The following SORCS1 variants were observed in gnomAD, a reference collection of about 807,000 sequenced individuals.
SORCS1 encodes sortilin related VPS10 domain containing receptor 1.
In SORCS1, 60 loss-of-function variants were observed where a neutral mutation model predicts 146.1. The observed-to-expected ratio is 0.41, with a 90% CI of 0.33 to 0.51. SORCS1 has a LOEUF of 0.51. Among genes scored for constraint, SORCS1 ranks in the 20% least tolerant of loss-of-function variants. SORCS1 has a pLI of 0.21. For synonymous variants in SORCS1, 637 were observed against 584.0 expected, an observed-to-expected ratio of 1.09 and a Z score of -1.31; for missense variants, 1,352 against 1,487.6, an observed-to-expected ratio of 0.91 and a Z score of 1.50.
chr10:107,139,511 G>A (rs2134703819), intron 1 of SORCS1, among the ~76,000 whole-genome samples: 1 of 152,300 alleles, frequency 6.6e-6, no homozygotes, highest in Non-Finnish European at 1.5e-5. Flanking sequence ...GAGAGATTGG[G>A]AAGAGAGAGA....
At chr10:107,030,034 C>G (rs550001448) in intron 1 of SORCS1, among the ~76,000 whole-genome samples, 1 of 152,064 alleles carries the variant, frequency 6.6e-6, no homozygotes, top group South Asian at 2.1e-4. Context: ...GCAAGCAGTG[C>G]CATGTCGCAC....
At chr10:107,055,500 G>C (rs1960536420) in intron 1 of SORCS1, among the ~76,000 whole-genome samples, 1 of 152,214 alleles carries the variant, frequency 6.6e-6, no homozygotes, top group Non-Finnish European at 1.5e-5. Context: ...AGCAAAGCCA[G>C]TCTTGTATTT....
chr10:106,666,554 CT>C (rs1423294567), intron 17 of SORCS1, among the ~76,000 whole-genome samples: 149 of 141,164 alleles, frequency 1.1e-3, no homozygotes, highest in Middle Eastern at 3.8e-3. Flanking sequence ...AAATCTCTCT[CT>C]TTTTTTTTTT....
intron 2 of SORCS1, among the ~76,000 whole-genome samples, chr10:106,942,402 A>T (rs997633223): frequency 6.6e-6 from 1 of 152,048 alleles, no homozygotes; most frequent in African/African-American, 2.4e-5. Flanking sequence ...TCATAACCAA[A>T]TGCCTTCTTG....
intron 1 of SORCS1, among the ~76,000 whole-genome samples, chr10:107,054,643 C>T (rs913495817): frequency 8.5e-5 from 13 of 152,106 alleles, no homozygotes. Flanking sequence ...CAGTCTGGGG[C>T]AGGCAGTGAA....
chr10:106,666,352 G>C (rs1851141236), intron 17 of SORCS1, among the ~76,000 whole-genome samples: 1 of 152,194 alleles, frequency 6.6e-6, no homozygotes, highest in South Asian at 2.1e-4. Flanking sequence ...TGAACCGAAA[G>C]ATAGGCTCTT....
intron 1 of SORCS1, among the ~76,000 whole-genome samples, chr10:106,959,471 T>C (rs1955123299): frequency 6.6e-6 from 1 of 152,202 alleles, no homozygotes; most frequent in Non-Finnish European, 1.5e-5. Context: ...ATCCTTATGT[T>C]AGATATGTTT....
chr10:106,662,690 C>T (rs191361553), intron 17 of SORCS1, among the ~76,000 whole-genome samples: 67 of 152,262 alleles, frequency 4.4e-4, no homozygotes, highest in Admixed American at 6.5e-4. Flanking sequence ...CTGGGCTTGT[C>T]CTTGAGAAAA....
the SORCS1 span, among the ~76,000 whole-genome samples, chr10:107,169,917 C>G: frequency 1.3e-5 from 2 of 151,994 alleles, no homozygotes; most frequent in African/African-American, 2.4e-5. Flanking sequence ...GGATAGTTTG[C>G]ATAATTAAGT....
At chr10:106,945,650 G>C (rs1000741622) in intron 2 of SORCS1, among the ~76,000 whole-genome samples, 1 of 152,166 alleles carries the variant, frequency 6.6e-6, no homozygotes, top group Non-Finnish European at 1.5e-5. Context: ...CAGTTGCTTT[G>C]CTTTCTCTAG....
chr10:106,806,387 A>G (rs1947175785), intron 3 of SORCS1, among the ~76,000 whole-genome samples: 1 of 91,986 alleles, frequency 1.1e-5, no homozygotes, highest in East Asian at 4.4e-4. Context: ...ATAAAATAAA[A>G]ATAAAATAAA....
At chr10:107,158,411 G>A (rs568447048) in intron 1 of SORCS1, among the ~76,000 whole-genome samples, 1 of 152,270 alleles carries the variant, frequency 6.6e-6, no homozygotes, top group South Asian at 2.1e-4. Context: ...CTTTGGTTAT[G>A]ACATCCATTC....
chr10:107,100,393 A>C (rs551389320), intron 1 of SORCS1, among the ~76,000 whole-genome samples: 5 of 152,224 alleles, frequency 3.3e-5, no homozygotes, highest in South Asian at 2.1e-4. Context: ...GGGCGCCTGT[A>C]GTCCCAGCTA....
chr10:107,129,558 T>C (rs1966847863), intron 1 of SORCS1, among the ~76,000 whole-genome samples: 1 of 152,228 alleles, frequency 6.6e-6, no homozygotes, highest in Admixed American at 6.5e-5. Flanking sequence ...ATGTCTTAAT[T>C]AGGAAAATAT....
chr10:106,862,284 A>G (rs1395000155), intron 2 of SORCS1, among the ~76,000 whole-genome samples: 1 of 152,214 alleles, frequency 6.6e-6, no homozygotes, highest in East Asian at 1.9e-4. Flanking sequence ...TTTGTGTATT[A>G]CATCCTGTCT....
In SORCS1 at chr10:106,618,250, C is replaced by T. The variant is rs1032275681; in HGVS notation, c.2819G>A (p.Ser940Asn). The T allele has an allele frequency of 2.5e-6, 4 of 1,613,904 alleles. No homozygotes were observed. The highest frequency in any genetic ancestry group is 2.5e-6 in the Non-Finnish European group (3 of 1,179,952). Residue 940 changes from serine (S) to asparagine (N), a missense_variant, in exon 21 of 26, where the codon AGC (serine) becomes AAC (asparagine). Physicochemically the swap from Ser to Asn is conservative, Grantham distance 46 (BLOSUM62 1). Around this residue, in one of 3 missense-constraint regions of SORCS1, gnomAD observed 648 missense variants for 793.8 expected, o/e 0.82. Coordinates refer to ENST00000263054, the MANE Select transcript of SORCS1 (RefSeq NM_052918.5). ...NTEPLITLEG[S>N]ISFRFTSEGM... ...TTCTGAAGTAAATCTGAAGGATATG[C>T]TTCCCTCCAAGGTGATCAAAGGCTA...
chr10:107,067,232 T>G (rs909524599), intron 1 of SORCS1, among the ~76,000 whole-genome samples: 13 of 152,128 alleles, frequency 8.5e-5, no homozygotes, highest in African/African-American at 3.1e-4. Context: ...ACTGACATAT[T>G]AATAGTTTCC....
At chr10:106,603,473 T>G (rs1465352237) in intron 23 of SORCS1, among the ~76,000 whole-genome samples, 7 of 152,140 alleles carry the variant, frequency 4.6e-5, no homozygotes, top group Non-Finnish European at 5.9e-5. Flanking sequence ...ACAAGATAGC[T>G]CGATCCAAGC....
chr10:106,751,058 CAAAAAAAAAAAAAAAAAAAAAAAAAA>C (rs35691571), intron 5 of SORCS1, among the ~76,000 whole-genome samples: 1 of 22,430 alleles, frequency 4.5e-5, no homozygotes, highest in African/African-American at 1.3e-4. Flanking sequence ...GACTCCGTCT[CAAAAAAAAAAAAAAAAAAAAAAAAAA>C]AAAAAAAAAA....
Sources: gnomAD v4.1 joint callset for allele counts (sites outside exome capture counted in the v4.1 genomes callset) on GRCh38, gnomAD v4.1.1 for gene constraint, gnomAD v4.1.1 regional missense constraint, MANE v1.5 for transcripts, NCBI Gene and HGNC (gene_info 2026-07-23, HGNC 2026-07-21) for gene names.